Variants in ARPP21 observed in about 807,000 individuals in gnomAD.
ARPP21 encodes the protein cAMP regulated phosphoprotein 21.
A neutral mutation model predicts 113.2 loss-of-function variants in ARPP21; 69 were observed. The observed-to-expected ratio is 0.61, with a 90% CI of 0.50 to 0.74. ARPP21 has a LOEUF of 0.74. Ranked by LOEUF, ARPP21 falls within the 30% of genes least tolerant of loss-of-function variation. The pLI is 0.00. For synonymous variants in ARPP21, 368 were observed against 375.5 expected, an observed-to-expected ratio of 0.98 and a Z score of 0.23; for missense variants, 1,070 against 1,037.4, an observed-to-expected ratio of 1.03 and a Z score of -0.43.
chr3:35,785,058 T>C (rs2096600863), intron 19 of ARPP21: 1 of 152,168 alleles, frequency 6.6e-6, no homozygotes, highest in Non-Finnish European at 1.5e-5. Flanking sequence ...AATGAAAATA[T>C]CCACCAGGAG....
chr3:35,659,507 A>G (rs961103514), intron 1 of ARPP21, among the ~76,000 whole-genome samples: 1 of 152,116 alleles, frequency 6.6e-6, no homozygotes, highest in Non-Finnish European at 1.5e-5. Flanking sequence ...GGCGGGTCCT[A>G]GAGACCCAGA....
intron 19 of ARPP21, among the ~76,000 whole-genome samples, chr3:35,761,985 G>C (rs1451869880): frequency 6.6e-6 from 1 of 151,866 alleles, no homozygotes; most frequent in African/African-American, 2.4e-5. Flanking sequence ...AGTCCATTCA[G>C]ACCTGCTGTG....
At chr3:35,670,854 A>G (rs1282628539) in intron 1 of ARPP21, among the ~76,000 whole-genome samples, 1 of 152,160 alleles carries the variant, frequency 6.6e-6, no homozygotes, top group Non-Finnish European at 1.5e-5. Flanking sequence ...CCTGCTCTGC[A>G]CTAAACAACA....
chr3:35,783,420 T>G (rs374070607), intron 19 of ARPP21, among the ~76,000 whole-genome samples: 378 of 149,598 alleles, frequency 2.5e-3, no homozygotes, highest in African/African-American at 7.0e-3. Flanking sequence ...TATTCTTGTG[T>G]TTTTTTTTTA....
chr3:35,792,977 A>G (rs1212129449), intron 20 of ARPP21, among the ~76,000 whole-genome samples: 1 of 152,256 alleles, frequency 6.6e-6, no homozygotes, highest in Admixed American at 6.5e-5. Context: ...TCTGGAGCCT[A>G]GCAACTACAT....
At position 35,725,593 on chromosome 3, in the gene ARPP21, T is replaced by C. The variant is rs568358576; in HGVS notation, c.1226-3710T>C. On this transcript the variant is annotated intron_variant, in intron 14 of 20. Coordinates refer to ENST00000684406, the MANE Select transcript of ARPP21 (RefSeq NM_001385562.1). Reference sequence around the variant, plus strand: ...CTCCTTGGGAAGTATCCTTCCTCCCTGGGAATGTTCCCTCTGCTCCAAGGG... The same window carrying C: ...CTCCTTGGGAAGTATCCTTCCTCCCCGGGAATGTTCCCTCTGCTCCAAGGG... Among the ~76,000 whole-genome samples, 479 of 152,344 alleles carry C rather than the reference T, an allele frequency of 3.1e-3. 1 individual carries two copies. Among genetic ancestry groups the C allele is most frequent in the Non-Finnish European group, 5.0e-3 (342 of 68,030 alleles).
chr3:35,661,401 T>G (rs201535780), intron 1 of ARPP21, among the ~76,000 whole-genome samples: 1 of 66,394 alleles, frequency 1.5e-5, no homozygotes, highest in Admixed American at 1.7e-4. Flanking sequence ...GGAAAAGAGA[T>G]AAAGTGACTC....
chr3:35,731,318 A>G (rs2093943550), intron 15 of ARPP21, among the ~76,000 whole-genome samples: 2 of 152,188 alleles, frequency 1.3e-5, no homozygotes, highest in African/African-American at 2.4e-5. Context: ...CCAAGTCCCA[A>G]TTCTTTTTCA....
intron 1 of ARPP21, among the ~76,000 whole-genome samples, chr3:35,656,188 T>G (rs1218204488): frequency 1.3e-5 from 2 of 152,106 alleles, no homozygotes; most frequent in African/African-American, 4.8e-5. Context: ...GACTATTGAA[T>G]ACAAATTTCT....
intron 19 of ARPP21, among the ~76,000 whole-genome samples, chr3:35,786,043 GAAAGTT>G (rs1467046738): frequency 6.6e-6 from 1 of 152,090 alleles, no homozygotes; most frequent in Non-Finnish European, 1.5e-5. Flanking sequence ...CAGCAAAAAA[GAAAGTT>G]AAAGGGAAAA....
At chr3:35,701,011 A>T (rs1576016698) in intron 9 of ARPP21, among the ~76,000 whole-genome samples, 1 of 151,684 alleles carries the variant, frequency 6.6e-6, no homozygotes, top group African/African-American at 2.4e-5. Flanking sequence ...TGTACCCTAG[A>T]GTTTTTGAAA....
chr3:35,718,270 CT>C (rs1460968831), intron 13 of ARPP21, among the ~76,000 whole-genome samples: 2 of 152,068 alleles, frequency 1.3e-5, no homozygotes, highest in East Asian at 3.9e-4. Context: ...ACAGAAGCTT[CT>C]TTTTGGACTT....
intron 1 of ARPP21, among the ~76,000 whole-genome samples, chr3:35,666,712 A>G (rs1261952088): frequency 6.6e-6 from 1 of 152,132 alleles, no homozygotes; most frequent in Non-Finnish European, 1.5e-5. Context: ...TTTTGATTAA[A>G]TGGGTAATTA....
At chr3:35,669,204 C>A (rs1349896078) in intron 1 of ARPP21, among the ~76,000 whole-genome samples, 1 of 152,016 alleles carries the variant, frequency 6.6e-6, no homozygotes, top group African/African-American at 2.4e-5. Context: ...AATAATTTCT[C>A]CCACTACATA....
intron 19 of ARPP21, among the ~76,000 whole-genome samples, chr3:35,765,379 A>G (rs1401424575): frequency 6.6e-6 from 1 of 152,154 alleles, no homozygotes; most frequent in African/African-American, 2.4e-5. Flanking sequence ...AAGCTCAGCT[A>G]AGAACAGAAA....
intron 5 of ARPP21, chr3:35,685,516 A>G (rs1559611773): frequency 1.0e-6 from 1 of 985,174 alleles, no homozygotes; most frequent in Non-Finnish European, 1.2e-6. Flanking sequence ...GGCACTTACA[A>G]AATGTGCGGA....
At chr3:35,788,846 C>T (rs980834260) in intron 19 of ARPP21, among the ~76,000 whole-genome samples, 4 of 152,106 alleles carry the variant, frequency 2.6e-5, no homozygotes, top group African/African-American at 9.7e-5. Flanking sequence ...AGTAGAAAAC[C>T]TATTCCATTT....
At chr3:35,760,761 A>T (rs138341770) in intron 19 of ARPP21, among the ~76,000 whole-genome samples, 221 of 152,190 alleles carry the variant, frequency 1.5e-3, no homozygotes, top group African/African-American at 4.5e-3. Flanking sequence ...TAAATTTGCC[A>T]TGGGAAAAAG....
chr3:35,716,522 A>C (rs2092427407), intron 12 of ARPP21, among the ~76,000 whole-genome samples: 1 of 152,066 alleles, frequency 6.6e-6, no homozygotes, highest in Non-Finnish European at 1.5e-5. Context: ...GAAACACATA[A>C]AAGGGATTCA....
Sources: allele counts gnomAD v4.1 joint callset (sites outside exome capture counted in the v4.1 genomes callset), GRCh38; gene constraint gnomAD v4.1.1; transcripts MANE v1.5; gene names NCBI Gene and HGNC (gene_info 2026-07-23, HGNC 2026-07-21).